C8A: variants seen among roughly 807,000 people sequenced by gnomAD.
C8A encodes complement component C8 alpha chain.
A neutral mutation model predicts 65.3 loss-of-function variants in C8A; 67 were observed. That is an observed-to-expected ratio of 1.03 (90% CI 0.84 to 1.26). The LOEUF is 1.26. C8A is among the 50% of genes most tolerant of loss of function. The probability of loss-of-function intolerance (pLI) is 0.00; values close to 1 mark genes in which losing one functional copy is unlikely to be tolerated. For missense variants in C8A, 781 were observed against 723.9 expected, an observed-to-expected ratio of 1.08 and a Z score of -0.90; for synonymous variants, 290 against 259.4, an observed-to-expected ratio of 1.12 and a Z score of -1.13.
chr1:56,917,716 A>G lies in C8A; in HGVS notation c.1755A>G (p.Ter585TrpextTer18). ...GGAAAGTACAGACGCAGGCTTGCTG[A>G]GGGCCTCTGGACACAGGCTGGACCA... ...PGRKVQTQAC[*>W] Residue 585 changes from the stop codon to tryptophan (W), a stop_lost, in exon 11 of 11, where the codon TGA (stop) becomes TGG (tryptophan). Coordinates refer to ENST00000361249, the MANE Select transcript of C8A (RefSeq NM_000562.3). The G allele has an allele frequency of 5.6e-6, 9 of 1,614,010 alleles. No individual in the cohort carries two copies. The highest frequency in any genetic ancestry group is 6.8e-6 in the Non-Finnish European group (8 of 1,180,026).
At chr1:56,894,353 T>C (rs1315840898) in intron 7 of C8A, among the ~76,000 whole-genome samples, 1 of 152,122 alleles carries the variant, frequency 6.6e-6, no homozygotes, top group Non-Finnish European at 1.5e-5. Flanking sequence ...TTCATCCAGT[T>C]TTGGAGGGAC....
At position 56,855,391 on chromosome 1, in the gene C8A, T is replaced by C. The variant is rs573254618; in HGVS notation, c.77+413T>C. 4.6e-5 allele frequency among the ~76,000 whole-genome samples: 7 copies of C among 152,286 alleles called. No individual in the cohort carries two copies. The East Asian group carries it at 1.4e-3, about 29-fold the overall frequency. On this transcript the variant is annotated intron_variant, in intron 1 of 10. Coordinates refer to ENST00000361249, the MANE Select transcript of C8A (RefSeq NM_000562.3). Reference sequence around the variant, plus strand: ...GGTGCTGAACAGTTAACTTAACCCCTACTTTCTTATCTGTAAAAGAGCATC... The same window carrying C: ...GGTGCTGAACAGTTAACTTAACCCCCACTTTCTTATCTGTAAAAGAGCATC...
chr1:56,917,476 C>A (rs1267317993), intron 10 of C8A, 89 bp from the exon 11 acceptor site: 3 of 1,392,394 alleles, frequency 2.2e-6, no homozygotes, highest in South Asian at 1.2e-5. Flanking sequence ...CCCAAGGGTG[C>A]CACACACCCC....
At chr1:56,916,138 G>C (rs1644549315) in intron 10 of C8A, among the ~76,000 whole-genome samples, 1 of 152,212 alleles carries the variant, frequency 6.6e-6, no homozygotes, top group Admixed American at 6.5e-5. Context: ...CTGCACACGT[G>C]GTGGGTATCA....
intron 7 of C8A, among the ~76,000 whole-genome samples, chr1:56,899,289 T>A (rs1294117274): frequency 6.6e-6 from 1 of 152,172 alleles, no homozygotes; most frequent in East Asian, 1.9e-4. Context: ...GGTGTCAACA[T>A]TCTTCCCAGA....
At chr1:56,865,970 A>G (rs1242668766) in intron 1 of C8A, among the ~76,000 whole-genome samples, 3 of 152,228 alleles carry the variant, frequency 2.0e-5, no homozygotes, top group Admixed American at 6.5e-5. Context: ...ATAAAGACCA[A>G]TGGATTTTAA....
chr1:56,876,925 T>A (rs182823494), intron 4 of C8A, among the ~76,000 whole-genome samples: 36 of 152,228 alleles, frequency 2.4e-4, no homozygotes, highest in Admixed American at 2.0e-3. Context: ...TACCCCCACA[T>A]TTATGTGTTG....
chr1:56,881,709 G>T (rs1644250250), intron 5 of C8A, 75 bp downstream of exon 5: 2 of 1,373,640 alleles, frequency 1.5e-6, no homozygotes, highest in East Asian at 4.6e-5. Flanking sequence ...TTGTGGAGAT[G>T]ACTTGCTCTG....
chr1:56,914,293 T>A (rs1024370274), intron 10 of C8A, among the ~76,000 whole-genome samples: 10 of 151,918 alleles, frequency 6.6e-5, no homozygotes, highest in Non-Finnish European at 1.5e-4. Context: ...GCAGCAAGAA[T>A]GAGGGAGGGG....
chr1:56,904,007 G>T lies in C8A; in HGVS notation c.1097-2660G>T, dbSNP rs1371677612. ...GTGCAGCCTGATGGGATGAGGTGGA[G>T]CAATGGCAGAGGATTGTCTAGTTCC... On this transcript the variant is annotated intron_variant, in intron 7 of 10. Coordinates refer to ENST00000361249, the MANE Select transcript of C8A (RefSeq NM_000562.3). Among the ~76,000 whole-genome samples, 3 of 152,216 alleles carry T rather than the reference G, an allele frequency of 2.0e-5. 1 individual carries two copies. The highest frequency in any genetic ancestry group is 2.0e-4 in the Admixed American group (3 of 15,282).
chr1:56,900,231 C>A (rs929615160), intron 7 of C8A, among the ~76,000 whole-genome samples: 1 of 152,156 alleles, frequency 6.6e-6, no homozygotes, highest in African/African-American at 2.4e-5. Flanking sequence ...ATAACAGTAG[C>A]ATGATGAAAT....
At chr1:56,892,110 T>A (rs1644350964) in intron 7 of C8A, among the ~76,000 whole-genome samples, 1 of 152,032 alleles carries the variant, frequency 6.6e-6, no homozygotes, top group Non-Finnish European at 1.5e-5. Context: ...TCTTCTTTCT[T>A]CTCCAGAATC....
At position 56,876,354 on chromosome 1, in the gene C8A, G is replaced by A. The variant is rs1014825664; in HGVS notation, c.464+145G>A. 10 of 935,958 alleles carry A rather than the reference G, an allele frequency of 1.1e-5. No individual in the cohort carries two copies. In the African/African-American group the frequency reaches 1.5e-4, roughly 14 times the overall value. The allele number at this position is 935,958 out of a possible 1,614,324, so 58.0% of individuals were successfully genotyped here. A position where few individuals can be genotyped will look rare whatever the true frequency, so the allele number is the denominator to read the frequency against. On this transcript the variant is annotated intron_variant, in intron 4 of 10. Coordinates refer to ENST00000361249, the MANE Select transcript of C8A (RefSeq NM_000562.3). Reference sequence around the variant, plus strand: ...GCTGCTCTCATTGTCCCCAGAGATGGCTTGTCCAGTCCTGCCTATGTGACA... The same window carrying A: ...GCTGCTCTCATTGTCCCCAGAGATGACTTGTCCAGTCCTGCCTATGTGACA...
At chr1:56,875,522 T>C (rs1045970723) in intron 3 of C8A, among the ~76,000 whole-genome samples, 11 of 152,122 alleles carry the variant, frequency 7.2e-5, no homozygotes, top group Non-Finnish European at 1.5e-4. Context: ...TGGGTCTTTC[T>C]AGCAGGAGGT....
intron 5 of C8A, 38 bp downstream of exon 5, chr1:56,881,672 G>A (rs753724647): frequency 9.5e-6 from 15 of 1,578,410 alleles, no homozygotes; most frequent in African/African-American, 9.5e-5. Flanking sequence ...CCACTGTGGT[G>A]TAGGTGGCAG....
chr1:56,910,571 A>G (rs1388135260), intron 9 of C8A, among the ~76,000 whole-genome samples: 2 of 152,218 alleles, frequency 1.3e-5, no homozygotes, highest in African/African-American at 4.8e-5. Flanking sequence ...CCTGGAACTA[A>G]CAGTCATCTT....
chr1:56,895,676 T>C (rs1410946390), intron 7 of C8A, among the ~76,000 whole-genome samples: 1 of 152,196 alleles, frequency 6.6e-6, no homozygotes, highest in Non-Finnish European at 1.5e-5. Flanking sequence ...CAGTGGCTCC[T>C]TCTTGTAATC....
chr1:56,860,121 CT>C (rs1410985344), intron 1 of C8A, among the ~76,000 whole-genome samples: 27 of 151,972 alleles, frequency 1.8e-4, no homozygotes, highest in Non-Finnish European at 3.5e-4. Context: ...AAATGGGGCC[CT>C]TTGTTAGAGG....
chr1:56,917,677 C>T lies in C8A; in HGVS notation c.1716C>T (p.Ala572=), dbSNP rs753972499. Residue 572 remains alanine (A), a synonymous_variant, in exon 11 of 11, where the codon GCC becomes GCT. Coordinates refer to ENST00000361249, the MANE Select transcript of C8A (RefSeq NM_000562.3). The part of the protein sequence containing the change: ...CDNPAPQNGG[A]SCPGRKVQTQ... ...ATCCAGCACCTCAGAATGGAGGGGC[C>T]TCGTGTCCAGGGCGGAAAGTACAGA... 1.9e-5 allele frequency: 30 copies of T among 1,614,208 alleles called. No individual in the cohort carries two copies. The highest frequency in any genetic ancestry group is 2.4e-5 in the Non-Finnish European group (28 of 1,180,028).
Sources: gnomAD v4.1 joint callset for allele counts (sites outside exome capture counted in the v4.1 genomes callset) on GRCh38, gnomAD v4.1.1 for gene constraint, MANE v1.5 for transcripts, NCBI Gene and HGNC (gene_info 2026-07-23, HGNC 2026-07-21) for gene names.